Variants in KLHL1 observed in about 807,000 individuals in gnomAD.
KLHL1 encodes the protein kelch like family member 1, also known as kelch-like protein 1.
In KLHL1, 47 loss-of-function variants were observed where a neutral mutation model predicts 77.7. The ratio of observed to expected loss-of-function variants is 0.60; its 90% CI spans 0.48 to 0.77. KLHL1 has a LOEUF of 0.77. Ranked by LOEUF, KLHL1 falls within the 30% of genes least tolerant of loss-of-function variation. The pLI is 0.00. For synonymous variants in KLHL1, 360 were observed against 325.2 expected (o/e 1.11, Z -1.15); for missense variants, 925 against 910.8 (o/e 1.02, Z -0.20).
intron 3 of KLHL1, 77 bp downstream of exon 3, chr13:69,961,231 C>T (rs542822745): frequency 1.9e-5 from 26 of 1,358,224 alleles, no homozygotes; most frequent in African/African-American, 7.3e-5. Context: ...TTTAAAAAAG[C>T]GTTAAATCCT....
intron 4 of KLHL1, among the ~76,000 whole-genome samples, chr13:69,893,183 A>C (rs964755484): frequency 1.3e-5 from 2 of 152,126 alleles, no homozygotes; most frequent in Non-Finnish European, 2.9e-5. Context: ...ATACTCTATA[A>C]AAAAATTGGA....
chr13:69,973,001 G>C (rs556574209), intron 2 of KLHL1, among the ~76,000 whole-genome samples: 1 of 151,790 alleles, frequency 6.6e-6, no homozygotes, highest in East Asian at 1.9e-4. Flanking sequence ...AATTATCTTG[G>C]GCTATTTGTG....
At chr13:69,855,365 TAGAG>T (rs1879862863) in intron 5 of KLHL1, among the ~76,000 whole-genome samples, 1 of 128,376 alleles carries the variant, frequency 7.8e-6, no homozygotes, top group Non-Finnish European at 1.6e-5. Context: ...GATAGATACA[TAGAG>T]AGATAGATCT....
chr13:70,015,633 T>TA (rs1307262224), intron 1 of KLHL1, among the ~76,000 whole-genome samples: 1 of 151,878 alleles, frequency 6.6e-6, no homozygotes, highest in Non-Finnish European at 1.5e-5. Flanking sequence ...TATTTTATTA[T>TA]AAAAAAGGCT....
intron 6 of KLHL1, among the ~76,000 whole-genome samples, chr13:69,822,470 A>G (rs1262685228): frequency 6.6e-6 from 1 of 152,206 alleles, no homozygotes. Context: ...TATTAAATAC[A>G]TGAGCACCTA....
At chr13:70,005,010 C>T (rs896765768) in intron 1 of KLHL1, among the ~76,000 whole-genome samples, 3 of 151,492 alleles carry the variant, frequency 2.0e-5, no homozygotes, top group East Asian at 1.9e-4. Context: ...ATAATTGTAA[C>T]GTAAGTCCTA....
intron 5 of KLHL1, among the ~76,000 whole-genome samples, chr13:69,862,307 A>G (rs913994990): frequency 6.6e-6 from 1 of 152,188 alleles, no homozygotes; most frequent in South Asian, 2.1e-4. Context: ...AGAGAGAGAG[A>G]GAGAGAAGCA....
intron 6 of KLHL1, among the ~76,000 whole-genome samples, chr13:69,827,427 T>TA (rs528604132): frequency 5.3e-4 from 81 of 151,932 alleles, no homozygotes; most frequent in African/African-American, 1.8e-3. Flanking sequence ...GCAGGCCTTT[T>TA]AAAAAAGTCA....
intron 4 of KLHL1, among the ~76,000 whole-genome samples, chr13:69,924,261 G>T (rs1882740493): frequency 1.3e-5 from 2 of 152,174 alleles, no homozygotes; most frequent in Non-Finnish European, 2.9e-5. Flanking sequence ...CCACCTTCAA[G>T]CCAGGGATGC....
At chr13:69,936,163 G>A (rs17085703) in intron 4 of KLHL1, among the ~76,000 whole-genome samples, 7,568 of 152,218 alleles carry the variant, frequency 0.05, 444 homozygotes, top group African/African-American at 0.14. Flanking sequence ...CCAACAAGAG[G>A]AAGGTCTGAG....
At chr13:70,012,292 C>T (rs1170129994) in intron 1 of KLHL1, among the ~76,000 whole-genome samples, 2 of 152,114 alleles carry the variant, frequency 1.3e-5, no homozygotes, top group Non-Finnish European at 2.9e-5. Flanking sequence ...AGTTCATATT[C>T]CCTTCACTAT....
Position 70,108,273 on chromosome 13 carries a change from C to A in KLHL1, c.-574G>T, listed in dbSNP as rs1243166268. On this transcript the variant is annotated 5_prime_UTR_variant, in exon 1 of 11. The change creates a new upstream start codon in the 5' untranslated region. Transcript: ENST00000377844. ...GTGCACCTGCGCCCCTGTCCCTGGC[C>A]TTTTCGAGGATGCCCCGATAGCCTG... is the stretch of plus-strand genomic sequence containing the variant. 4 of 376,488 alleles carry A rather than the reference C, an allele frequency of 1.1e-5. No individual in the cohort carries two copies. The highest frequency in any genetic ancestry group is 3.9e-5 in the East Asian group (1 of 25,666). The allele number at this position is 376,488 out of a possible 1,614,324, so 23.3% of individuals were successfully genotyped here.
At chr13:69,813,451 T>A (rs1877978522) in intron 6 of KLHL1, among the ~76,000 whole-genome samples, 1 of 148,518 alleles carries the variant, frequency 6.7e-6, no homozygotes. Context: ...TGTGCACATA[T>A]AAAAAAATAC....
At chr13:69,787,419 C>T (rs986241971) in intron 7 of KLHL1, among the ~76,000 whole-genome samples, 1 of 152,176 alleles carries the variant, frequency 6.6e-6, no homozygotes, top group African/African-American at 2.4e-5. Flanking sequence ...AAAGGATTCC[C>T]TATTTAATAA....
At chr13:69,924,109 C>T (rs74092664) in intron 4 of KLHL1, among the ~76,000 whole-genome samples, 2,845 of 152,286 alleles carry the variant, frequency 0.019, 111 homozygotes, top group African/African-American at 0.065. Context: ...CCTTGGGCAC[C>T]GATAAGCATG....
chr13:70,002,374 G>C (rs1885314279), intron 1 of KLHL1, among the ~76,000 whole-genome samples: 2 of 151,344 alleles, frequency 1.3e-5, no homozygotes, highest in Admixed American at 6.6e-5. Flanking sequence ...CAATTGGATT[G>C]GTTGGAGTTG....
At chr13:69,976,718 G>A (rs1010729090) in intron 1 of KLHL1, among the ~76,000 whole-genome samples, 1 of 151,994 alleles carries the variant, frequency 6.6e-6, no homozygotes, top group Admixed American at 6.6e-5. Flanking sequence ...GGTTCCAATT[G>A]CAAAGTAGTA....
chr13:70,014,421 T>C (rs1185569796), intron 1 of KLHL1, among the ~76,000 whole-genome samples: 1 of 152,104 alleles, frequency 6.6e-6, no homozygotes, highest in East Asian at 1.9e-4. Context: ...TTAAAGAATG[T>C]CAGAATACTT....
intron 4 of KLHL1, among the ~76,000 whole-genome samples, chr13:69,916,230 C>T (rs1458278856): frequency 6.6e-6 from 1 of 152,000 alleles, no homozygotes; most frequent in Non-Finnish European, 1.5e-5. Context: ...CCCAGCCATC[C>T]CATTACTGGG....
Sources: allele counts gnomAD v4.1 joint callset (sites outside exome capture counted in the v4.1 genomes callset), GRCh38; gene constraint gnomAD v4.1.1; transcripts MANE v1.5; gene names NCBI Gene and HGNC (gene_info 2026-07-23, HGNC 2026-07-21).